Variants in LARP4 observed in about 807,000 individuals in gnomAD.
LARP4 encodes la-related protein 4.
In LARP4, 29 loss-of-function variants were observed where a neutral mutation model predicts 92.9. The observed-to-expected ratio is 0.31, with a 90% CI of 0.23 to 0.43. LARP4 has a LOEUF of 0.43. LARP4 is among the 20% of genes least tolerant of loss of function. The pLI, the probability that LARP4 is intolerant of heterozygous loss-of-function variation, is 1.00. For missense variants in LARP4, 732 were observed against 860.0 expected, an observed-to-expected ratio of 0.85 and a Z score of 1.86; for synonymous variants, 279 against 284.1, an observed-to-expected ratio of 0.98 and a Z score of 0.18.
At position 50,454,374 on chromosome 12, in the gene LARP4, A is replaced by C. The variant is rs372889084; in HGVS notation, c.1078A>C (p.Asn360His). The change falls in exon 10 of 16, where the codon AAT (asparagine) becomes CAT (histidine). Residue 360 changes from asparagine to histidine, a missense_variant. Coordinates refer to ENST00000398473, the MANE Select transcript of LARP4 (RefSeq NM_052879.5). The part of the protein sequence containing the change: ...GFNSPGSYKT[N>H]AAAMNMGRPF... ...TAATTCGCCAGGATCTTATAAAACAAATGCTGCTGCTATGAATATGGGTCG... is the reference window on the plus strand; with the variant it reads ...TAATTCGCCAGGATCTTATAAAACACATGCTGCTGCTATGAATATGGGTCG... 2.5e-6 allele frequency: 4 copies of C among 1,613,642 alleles called. No individual in the cohort carries two copies. In the African/African-American group the frequency reaches 5.3e-5, roughly 22 times the overall value.
intron 9 of LARP4, 58 bp from the exon 10 acceptor site, chr12:50,454,256 C>A: frequency 1.6e-6 from 2 of 1,282,504 alleles, no homozygotes; most frequent in Non-Finnish European, 1.1e-6. Flanking sequence ...TTCTTGTGAC[C>A]CTCACACCAG....
At chr12:50,468,842 A>G (rs1956525507) in intron 13 of LARP4, among the ~76,000 whole-genome samples, 1 of 152,104 alleles carries the variant, frequency 6.6e-6, no homozygotes, top group Non-Finnish European at 1.5e-5. Context: ...TTTGTAAGCC[A>G]CATTTCAGTA....
At position 50,477,192 on chromosome 12, in the gene LARP4, A is replaced by C. The variant is rs1957597434; in HGVS notation, c.*1328A>C. On this transcript the variant is annotated 3_prime_UTR_variant, in exon 16 of 16. Coordinates refer to ENST00000398473, the MANE Select transcript of LARP4 (RefSeq NM_052879.5). ...GTAAAGATGAGAAAGATGGTTGAAG[A>C]AAATTAGTGCATAATTTCTCAGTGA... 1 of 152,504 alleles carries C rather than the reference A, an allele frequency of 6.6e-6. No homozygotes were observed. Among genetic ancestry groups the C allele is most frequent in the Non-Finnish European group, 1.5e-5 (1 of 68,020 alleles). The allele number at this position is 152,504 out of a possible 1,614,324, so 9.4% of individuals were successfully genotyped here.
intron 11 of LARP4, chr12:50,461,638 T>C (rs1443615586): frequency 6.5e-6 from 1 of 153,450 alleles, no homozygotes; most frequent in East Asian, 1.9e-4. Context: ...ATTTGCCTTA[T>C]GGTTTTAATT....
At chr12:50,450,409 G>A (rs1158279303) in intron 8 of LARP4, among the ~76,000 whole-genome samples, 1 of 152,110 alleles carries the variant, frequency 6.6e-6, no homozygotes, top group Non-Finnish European at 1.5e-5. Flanking sequence ...GTGTCTACTG[G>A]TTTTGTCATT....
In LARP4 at chr12:50,421,323, T is replaced by A. The variant is rs1947752781; in HGVS notation, c.19-6439T>A. 6.2e-6 allele frequency: 6 copies of A among 974,702 alleles called. No individual in the cohort carries two copies. In the South Asian group the frequency reaches 2.8e-4, roughly 46 times the overall value. 60.4% of individuals were successfully genotyped at this position (974,702 alleles called of 1,614,324 possible). On this transcript the variant is annotated intron_variant, in intron 1 of 15. Coordinates refer to ENST00000398473, the MANE Select transcript of LARP4 (RefSeq NM_052879.5). ...ATGCAATAATCTTAAGTTTCATATTTTTTTATGACTCAAAGCAGCATTTTA... is the reference window on the plus strand; with the variant it reads ...ATGCAATAATCTTAAGTTTCATATTATTTTATGACTCAAAGCAGCATTTTA...
chr12:50,426,740 T>TGG (rs1948851810), intron 1 of LARP4, among the ~76,000 whole-genome samples: 1 of 144,634 alleles, frequency 6.9e-6, no homozygotes, highest in African/African-American at 2.5e-5. Context: ...TGGTTTTTTT[T>TGG]TTTTTTTTTT....
intron 10 of LARP4, among the ~76,000 whole-genome samples, chr12:50,457,289 G>A (rs1049176250): frequency 1.4e-5 from 2 of 145,564 alleles, no homozygotes; most frequent in Non-Finnish European, 1.5e-5. Flanking sequence ...TCACTGCAAC[G>A]TCCGTCTCCC....
At chr12:50,437,131 T>G (rs1366386826) in intron 5 of LARP4, among the ~76,000 whole-genome samples, 1 of 152,216 alleles carries the variant, frequency 6.6e-6, no homozygotes, top group Non-Finnish European at 1.5e-5. Flanking sequence ...TCTGGTATAT[T>G]AACTCCATGA....
chr12:50,407,276 G>A (rs141788967), intron 1 of LARP4, among the ~76,000 whole-genome samples: 38 of 149,038 alleles, frequency 2.5e-4, no homozygotes, highest in Admixed American at 1.4e-3. Context: ...CACCCTCCTC[G>A]GCCTCCCAAA....
In LARP4 at chr12:50,479,096, G is replaced by T. The variant is rs1957719062; in HGVS notation, c.*3232G>T. 1 of 152,542 alleles carries T rather than the reference G, an allele frequency of 6.6e-6. No homozygotes were observed. Among genetic ancestry groups the T allele is most frequent in the African/African-American group, 2.4e-5 (1 of 41,424 alleles). 9.4% of individuals were successfully genotyped at this position (152,542 alleles called of 1,614,324 possible). On this transcript the variant is annotated 3_prime_UTR_variant, in exon 16 of 16. Transcript: ENST00000398473. Reference sequence around the variant, plus strand: ...GGTAAAGAAGAACAAAAAGAATGTTGCTGGAACGTAAAATAGTATTTAAAA... The same window carrying T: ...GGTAAAGAAGAACAAAAAGAATGTTTCTGGAACGTAAAATAGTATTTAAAA...
At chr12:50,412,143 T>C (rs892077110) in intron 1 of LARP4, among the ~76,000 whole-genome samples, 7 of 152,370 alleles carry the variant, frequency 4.6e-5, no homozygotes, top group Admixed American at 6.5e-5. Context: ...AGATGTTCCA[T>C]AAATGTAATT....
At position 50,447,652 on chromosome 12, in the gene LARP4, A is replaced by G. The variant is rs555003696; in HGVS notation, c.805-5808A>G. On this transcript the variant is annotated intron_variant, in intron 8 of 15. Coordinates refer to ENST00000398473, the MANE Select transcript of LARP4 (RefSeq NM_052879.5). ...AGTACAGTGTGCGTGATCATAGCAC[A>G]CTGCCACCTTGAACTCCTGGGCTCA... is the stretch of plus-strand genomic sequence containing the variant. Among the ~76,000 whole-genome samples, 620 of 152,130 alleles carry G rather than the reference A, an allele frequency of 4.1e-3. 5 individuals carry two copies. Among genetic ancestry groups the G allele is most frequent in the African/African-American group, 0.014 (578 of 41,514 alleles).
At chr12:50,450,614 T>C (rs1435938863) in intron 8 of LARP4, among the ~76,000 whole-genome samples, 1 of 152,152 alleles carries the variant, frequency 6.6e-6, no homozygotes, top group Non-Finnish European at 1.5e-5. Context: ...TTCTCCTGCT[T>C]CAACCTCCCG....
At chr12:50,453,854 A>G (rs76321520) in intron 9 of LARP4, among the ~76,000 whole-genome samples, 182 bp downstream of exon 9, 16,506 of 151,852 alleles carry the variant, frequency 0.11, 1,764 homozygotes, top group East Asian at 0.45. Context: ...GCTGGTCTCG[A>G]ACTCCTGTGC....
chr12:50,438,743 T>C (rs1222503703), intron 6 of LARP4, among the ~76,000 whole-genome samples: 1 of 152,210 alleles, frequency 6.6e-6, no homozygotes, highest in East Asian at 1.9e-4. Flanking sequence ...CGTAGCTTGC[T>C]CAAGGATACA....
intron 1 of LARP4, among the ~76,000 whole-genome samples, chr12:50,417,650 C>T (rs1361852457): frequency 1.3e-5 from 2 of 152,142 alleles, no homozygotes; most frequent in African/African-American, 4.8e-5. Flanking sequence ...AAACCAAAAG[C>T]CAAGAAGCAC....
intron 10 of LARP4, chr12:50,454,675 A>G (rs1388864205): frequency 3.2e-6 from 1 of 311,980 alleles, no homozygotes; most frequent in Non-Finnish European, 5.9e-6. Flanking sequence ...ATATTTCATG[A>G]CACCAGTCTC....
At position 50,477,526 on chromosome 12, in the gene LARP4, A is replaced by G. The variant is rs747479523; in HGVS notation, c.*1662A>G. On this transcript the variant is annotated 3_prime_UTR_variant, in exon 16 of 16. Coordinates refer to ENST00000398473, the MANE Select transcript of LARP4 (RefSeq NM_052879.5). ...GAATGTAAATGGTGGTTAAAATTACATTACTGTGAAATTCATCTTCCAACT... is the reference window on the plus strand; with the variant it reads ...GAATGTAAATGGTGGTTAAAATTACGTTACTGTGAAATTCATCTTCCAACT... 1 of 152,540 alleles carries G rather than the reference A, an allele frequency of 6.6e-6. No individual in the cohort carries two copies. The highest frequency in any genetic ancestry group is 2.4e-5 in the African/African-American group (1 of 41,434). 9.4% of individuals were successfully genotyped at this position (152,540 alleles called of 1,614,324 possible).
Sources: gnomAD v4.1 joint callset for allele counts (sites outside exome capture counted in the v4.1 genomes callset) on GRCh38, gnomAD v4.1.1 for gene constraint, MANE v1.5 for transcripts, NCBI Gene and HGNC (gene_info 2026-07-23, HGNC 2026-07-21) for gene names.